Variants in LRRC7 observed in about 807,000 individuals in gnomAD.
The protein encoded by LRRC7 is leucine rich repeat containing 7.
Under a neutral mutation model 175.7 loss-of-function variants are expected in LRRC7, and 23 were observed. The ratio of observed to expected loss-of-function variants is 0.13; its 90% CI spans 0.09 to 0.19. The LOEUF (loss-of-function observed/expected upper bound fraction) is 0.19, where lower values mean the gene tolerates loss of function less well. Among genes scored for constraint, LRRC7 ranks in the 10% least tolerant of loss-of-function variants. The probability of loss-of-function intolerance (pLI) is 1.00; values close to 1 mark genes in which losing one functional copy is unlikely to be tolerated. For synonymous variants in LRRC7, 685 were observed against 680.9 expected (o/e 1.01, Z -0.09); for missense variants, 1,354 against 1,904.7 (o/e 0.71, Z 5.38).
chr1:69,716,504 T>C (rs1665364332), intron 2 of LRRC7, among the ~76,000 whole-genome samples: 1 of 151,896 alleles, frequency 6.6e-6, no homozygotes, highest in Non-Finnish European at 1.5e-5. Flanking sequence ...AATTCAATAC[T>C]TATTCCTTCA....
intron 22 of LRRC7, among the ~76,000 whole-genome samples, chr1:70,051,262 A>G (rs1660724434): frequency 1.3e-5 from 2 of 152,048 alleles, no homozygotes; most frequent in Admixed American, 6.6e-5. Flanking sequence ...CTTCTTAAAA[A>G]TCTACATTGC....
At chr1:69,688,331 T>A (rs1257266815) in intron 2 of LRRC7, among the ~76,000 whole-genome samples, 1 of 152,190 alleles carries the variant, frequency 6.6e-6, no homozygotes, top group East Asian at 1.9e-4. Flanking sequence ...GTGTTCTTTA[T>A]CAGTTCCTTT....
chr1:70,014,473 C>A (rs1385384231), intron 13 of LRRC7, among the ~76,000 whole-genome samples: 1 of 151,832 alleles, frequency 6.6e-6, no homozygotes, highest in Non-Finnish European at 1.5e-5. Flanking sequence ...AAAATAAATT[C>A]ATCAGGACAG....
chr1:69,699,497 G>A (rs1663065038), intron 2 of LRRC7, among the ~76,000 whole-genome samples: 1 of 151,550 alleles, frequency 6.6e-6, no homozygotes, highest in Non-Finnish European at 1.5e-5. Context: ...CCAAGATTGT[G>A]CCACTGTACT....
At chr1:69,730,383 G>A (rs1667440578) in intron 2 of LRRC7, among the ~76,000 whole-genome samples, 1 of 152,066 alleles carries the variant, frequency 6.6e-6, no homozygotes, top group Non-Finnish European at 1.5e-5. Flanking sequence ...GTGCTTTGCT[G>A]CATAGAAATT....
At chr1:69,596,478 A>G (rs1048962532) in intron 1 of LRRC7, among the ~76,000 whole-genome samples, 3 of 152,202 alleles carry the variant, frequency 2.0e-5, no homozygotes, top group Non-Finnish European at 4.4e-5. Flanking sequence ...GTACATAATA[A>G]CATGCTCTAA....
In LRRC7 at chr1:69,744,909, A is replaced by G. The variant is rs140785485; in HGVS notation, c.101-15282A>G. Among the ~76,000 whole-genome samples the G allele has an allele frequency of 5.6e-3, 847 of 152,064 alleles. 6 individuals are homozygous for G. Among genetic ancestry groups the G allele is most frequent in the Non-Finnish European group, 7.4e-3 (499 of 67,870 alleles). ...ATAGTAAAATGCTGTAAATTCCATT[A>G]GTCTTCAACATGTAAAGATGTACCC... On this transcript the variant is annotated intron_variant, in intron 2 of 26. Coordinates refer to ENST00000651989, the MANE Select transcript of LRRC7 (RefSeq NM_001370785.2).
Position 70,125,094 on chromosome 1 carries a change from AG to A in LRRC7, c.*3208del, listed in dbSNP as rs1666387810. Among the ~76,000 whole-genome samples the A allele has an allele frequency of 6.6e-6, 1 of 152,266 alleles. No homozygotes were observed. Among genetic ancestry groups the A allele is most frequent in the Non-Finnish European group, 1.5e-5 (1 of 68,048 alleles). ...ACAACACAGTAACCTAAACATACATAGTAACTCCAAAGTATAAGTGCATTTT... is the reference window on the plus strand; with the variant it reads ...ACAACACAGTAACCTAAACATACATATAACTCCAAAGTATAAGTGCATTTT... On this transcript the variant is annotated 3_prime_UTR_variant, in exon 27 of 27. Transcript: ENST00000651989.
At chr1:69,920,984 G>GA (rs1646872831) in intron 7 of LRRC7, among the ~76,000 whole-genome samples, 1 of 152,082 alleles carries the variant, frequency 6.6e-6, no homozygotes, top group African/African-American at 2.4e-5. Context: ...CCTTTCCCTG[G>GA]AAGCACCTAT....
At chr1:69,861,813 T>C (rs148714815) in intron 7 of LRRC7, among the ~76,000 whole-genome samples, 1 of 152,280 alleles carries the variant, frequency 6.6e-6, no homozygotes, top group Non-Finnish European at 1.5e-5. Context: ...GCAGTGTCTG[T>C]GTGTGGCGGA....
chr1:69,648,969 T>G (rs1032588263), intron 1 of LRRC7, among the ~76,000 whole-genome samples: 1 of 152,268 alleles, frequency 6.6e-6, no homozygotes, highest in Non-Finnish European at 1.5e-5. Flanking sequence ...CAGAAAATGT[T>G]GAGAAAATAT....
At chr1:69,692,319 A>G (rs1184032391) in intron 2 of LRRC7, among the ~76,000 whole-genome samples, 1 of 152,230 alleles carries the variant, frequency 6.6e-6, no homozygotes, top group Non-Finnish European at 1.5e-5. Flanking sequence ...TAGAAATGAT[A>G]TAAGAAGTCA....
intron 4 of LRRC7, among the ~76,000 whole-genome samples, chr1:69,805,288 A>T (rs1676982049): frequency 1.3e-5 from 2 of 151,790 alleles, no homozygotes; most frequent in African/African-American, 4.8e-5. Flanking sequence ...AATAGGCTAG[A>T]AAAAGCATAT....
rs115581708 is a variant in LRRC7, at chr1:70,102,816, A to T, written c.4546-4936A>T. ...CCATTGTACTGATGAGGAAAAGTCC[A>T]TAGAAGTTAACTTGCCCAAGGTCAC... On this transcript the variant is annotated intron_variant, in intron 25 of 26. Coordinates refer to ENST00000651989, the MANE Select transcript of LRRC7 (RefSeq NM_001370785.2). Among the ~76,000 whole-genome samples, 467 of 152,336 alleles carry T rather than the reference A, an allele frequency of 3.1e-3. 1 individual carries two copies. The highest frequency in any genetic ancestry group is 0.01 in the African/African-American group (420 of 41,572).
At chr1:70,014,842 G>A (rs1656827748) in intron 13 of LRRC7, among the ~76,000 whole-genome samples, 1 of 151,968 alleles carries the variant, frequency 6.6e-6, no homozygotes, top group Non-Finnish European at 1.5e-5. Flanking sequence ...TTGCAATAGA[G>A]GTCACTGGAA....
In LRRC7 at chr1:69,821,292, A is replaced by G. The variant is rs751636225; in HGVS notation, c.422-4456A>G. ...CTTTTCATTCTGTCTTCATTTTTCT[A>G]CTCTGACTGGATAATCTTAAATGGG... On this transcript the variant is annotated intron_variant, in intron 4 of 26. Transcript: ENST00000651989. Among the ~76,000 whole-genome samples the G allele has an allele frequency of 1.3e-4, 19 of 151,700 alleles. No individual in the cohort carries two copies. In the South Asian group the frequency reaches 1.5e-3, roughly 12 times the overall value.
At chr1:69,722,015 T>C (rs1037409383) in intron 2 of LRRC7, among the ~76,000 whole-genome samples, 12 of 151,918 alleles carry the variant, frequency 7.9e-5, no homozygotes, top group Non-Finnish European at 1.8e-4. Flanking sequence ...AATGATAAAC[T>C]GAAAATAGTC....
intron 1 of LRRC7, among the ~76,000 whole-genome samples, chr1:69,634,555 A>AT (rs1484453318): frequency 6.6e-6 from 1 of 152,138 alleles, no homozygotes; most frequent in Non-Finnish European, 1.5e-5. Flanking sequence ...TTATGGTTCT[A>AT]TTGAAACCTT....
Position 70,142,114 on chromosome 1 carries a change from T to C in LRRC7, c.*20227T>C, listed in dbSNP as rs1667084952. 6.6e-6 allele frequency: 1 copy of C among 152,142 alleles called. No individual in the cohort carries two copies. Among genetic ancestry groups the C allele is most frequent in the African/African-American group, 2.4e-5 (1 of 41,432 alleles). 9.4% of individuals were successfully genotyped at this position (152,142 alleles called of 1,614,324 possible). A position where few individuals can be genotyped will look rare whatever the true frequency, so the allele number is the denominator to read the frequency against. Reference sequence around the variant, plus strand: ...AGATGAAACTCTCAGGCAGACAACATAAAGCAGCTCCCATATCTGCTAGAA... The same window carrying C: ...AGATGAAACTCTCAGGCAGACAACACAAAGCAGCTCCCATATCTGCTAGAA... On this transcript the variant is annotated 3_prime_UTR_variant, in exon 27 of 27. Transcript: ENST00000651989.
Sources: allele counts gnomAD v4.1 joint callset (sites outside exome capture counted in the v4.1 genomes callset), GRCh38; gene constraint gnomAD v4.1.1; transcripts MANE v1.5; gene names NCBI Gene and HGNC (gene_info 2026-07-23, HGNC 2026-07-21).